NWD2: variants seen among roughly 807,000 people sequenced by gnomAD.
The protein encoded by NWD2 is NACHT and WD repeat domain containing 2, also known as NACHT and WD repeat domain-containing protein 2.
NWD2 carries 37 observed loss-of-function variants against 132.7 expected under a neutral mutation model. The ratio of observed to expected loss-of-function variants is 0.28; its 90% CI spans 0.21 to 0.37. NWD2 has a LOEUF of 0.37. Ranked by LOEUF, NWD2 falls within the 10% of genes least tolerant of loss-of-function variation. The probability of loss-of-function intolerance (pLI) is 1.00; values close to 1 mark genes in which losing one functional copy is unlikely to be tolerated. For missense variants in NWD2, 1,592 were observed against 2,122.4 expected (o/e 0.75, Z 4.91); for synonymous variants, 705 against 803.0 (o/e 0.88, Z 2.06).
chr4:37,393,736 C>T (rs1720724189), intron 3 of NWD2, among the ~76,000 whole-genome samples: 1 of 152,170 alleles, frequency 6.6e-6, no homozygotes, highest in Non-Finnish European at 1.5e-5. Context: ...TTCACAGCTC[C>T]TGATGTAACA....
intron 3 of NWD2, among the ~76,000 whole-genome samples, chr4:37,358,758 G>T (rs768042910): frequency 6.6e-6 from 1 of 152,136 alleles, no homozygotes; most frequent in Admixed American, 6.6e-5. Context: ...CCATTAAAAA[G>T]TGTTCGTTGT....
intron 3 of NWD2, among the ~76,000 whole-genome samples, chr4:37,406,529 T>G (rs1448374113): frequency 6.6e-6 from 1 of 152,198 alleles, no homozygotes; most frequent in Non-Finnish European, 1.5e-5. Flanking sequence ...TAGCAAAGAC[T>G]TGAAACCAAC....
chr4:37,346,201 T>C (rs916661888), intron 2 of NWD2, among the ~76,000 whole-genome samples: 5 of 152,144 alleles, frequency 3.3e-5, no homozygotes, highest in Admixed American at 6.5e-5. Context: ...CGGTGTGAGG[T>C]AGGGGCTAAG....
chr4:37,398,158 G>C (rs932724520), intron 3 of NWD2, among the ~76,000 whole-genome samples: 2 of 152,142 alleles, frequency 1.3e-5, no homozygotes, highest in African/African-American at 4.8e-5. Context: ...TTGGAGGCTG[G>C]TACTTCAGTT....
chr4:37,306,453 A>AT (rs1388338474), intron 1 of NWD2, among the ~76,000 whole-genome samples: 1 of 152,128 alleles, frequency 6.6e-6, no homozygotes, highest in African/African-American at 2.4e-5. Flanking sequence ...GTAGGCATTT[A>AT]TTGCTATGAA....
intron 2 of NWD2, among the ~76,000 whole-genome samples, chr4:37,345,071 A>G (rs986925764): frequency 3.5e-4 from 54 of 152,114 alleles, no homozygotes; most frequent in African/African-American, 1.1e-3. Context: ...TTATTCCTCA[A>G]TAGTATGCCA....
intron 1 of NWD2, among the ~76,000 whole-genome samples, chr4:37,323,761 C>A (rs1719115100): frequency 6.6e-6 from 1 of 151,376 alleles, no homozygotes; most frequent in Non-Finnish European, 1.5e-5. Context: ...CTGCACTGTT[C>A]ACAATAGCAA....
At chr4:37,257,969 A>G (rs1159055504) in intron 1 of NWD2, among the ~76,000 whole-genome samples, 1 of 152,248 alleles carries the variant, frequency 6.6e-6, no homozygotes, top group Non-Finnish European at 1.5e-5. Context: ...CAGATGTGCT[A>G]AATTCTTATA....
chr4:37,261,594 G>A (rs188709832), intron 1 of NWD2, among the ~76,000 whole-genome samples: 7 of 152,288 alleles, frequency 4.6e-5, no homozygotes, highest in Admixed American at 4.6e-4. Flanking sequence ...CCGTGAAGAT[G>A]TAGAATTTAA....
At position 37,377,909 on chromosome 4, in the gene NWD2, CA is replaced by C. The variant is rs1005706629; in HGVS notation, c.357+21435del. ...AAAACATTTTTTAAATGTTTCACCA[CA>C]AAAAAAATAGTATGTGAAGTGATGG... On this transcript the variant is annotated intron_variant, in intron 3 of 6. Transcript: ENST00000309447. Among the ~76,000 whole-genome samples the C allele has an allele frequency of 5.3e-5, 8 of 151,646 alleles. No individual in the cohort carries two copies. The East Asian group carries it at 5.8e-4, about 11-fold the overall frequency.
chr4:37,288,620 A>AT (rs1406434336), intron 1 of NWD2, among the ~76,000 whole-genome samples: 1 of 152,236 alleles, frequency 6.6e-6, no homozygotes, highest in African/African-American at 2.4e-5. Context: ...TATTGTTTCC[A>AT]TGGAAGTCTA....
At chr4:37,387,492 A>G (rs897370607) in intron 3 of NWD2, among the ~76,000 whole-genome samples, 25 of 151,732 alleles carry the variant, frequency 1.6e-4, no homozygotes, top group African/African-American at 5.8e-4. Context: ...CAACTCCATC[A>G]ACATATCATG....
At chr4:37,265,228 A>C (rs1030072092) in intron 1 of NWD2, among the ~76,000 whole-genome samples, 35 of 152,150 alleles carry the variant, frequency 2.3e-4, no homozygotes, top group African/African-American at 8.2e-4. Flanking sequence ...TCTAATATTT[A>C]CTGCAGTAAA....
chr4:37,292,059 A>G (rs1388840991), intron 1 of NWD2, among the ~76,000 whole-genome samples: 1 of 152,204 alleles, frequency 6.6e-6, no homozygotes, highest in Non-Finnish European at 1.5e-5. Context: ...AAAGTTAATA[A>G]AACTGACTTA....
chr4:37,338,369 G>A (rs34369267), intron 2 of NWD2, among the ~76,000 whole-genome samples: 52,401 of 152,180 alleles, frequency 0.34, 10,332 homozygotes, highest in Middle Eastern at 0.5. Flanking sequence ...TGTCTTCTTA[G>A]GGAAAAGAAG....
In NWD2 at chr4:37,439,134, A is replaced by G; in HGVS notation, c.1040A>G (p.Tyr347Cys). The G allele has an allele frequency of 6.4e-7, 1 of 1,551,730 alleles. No homozygotes were observed. ...HYIEGLGKQF[Y>C]EDMIDIIQAT... ...ATCGAAGGACTTGGTAAACAATTTT[A>G]TGAGGACATGATTGATATAATTCAG... Residue 347 changes from tyrosine to cysteine, a missense_variant, in exon 6 of 7, where the codon TAT (tyrosine) becomes TGT (cysteine). Tyr to Cys is a radical substitution (Grantham distance 194). Transcript: ENST00000309447. The surrounding 1 kb of genome is among the most constrained non-coding windows in gnomAD (Gnocchi z 4.5).
At chr4:37,272,967 T>C (rs34856343) in intron 1 of NWD2, among the ~76,000 whole-genome samples, 2,482 of 151,922 alleles carry the variant, frequency 0.016, 35 homozygotes, top group Non-Finnish European at 0.026. Context: ...GCTCTCTAAA[T>C]GTCAGTTAGG....
At chr4:37,429,450 G>A (rs1262050481) in intron 3 of NWD2, among the ~76,000 whole-genome samples, 1 of 152,108 alleles carries the variant, frequency 6.6e-6, no homozygotes, top group African/African-American at 2.4e-5. Context: ...AAGTACCTGA[G>A]ATTACAGTCA....
At chr4:37,275,480 T>A (rs1458630565) in intron 1 of NWD2, among the ~76,000 whole-genome samples, 1 of 152,080 alleles carries the variant, frequency 6.6e-6, no homozygotes, top group Non-Finnish European at 1.5e-5. Context: ...AGAATCAATA[T>A]CGTGAAAATG....
Sources: allele counts gnomAD v4.1 joint callset (sites outside exome capture counted in the v4.1 genomes callset), GRCh38; gene constraint gnomAD v4.1.1; non-coding constraint Gnocchi (gnomAD v3.1); transcripts MANE v1.5; gene names NCBI Gene and HGNC (gene_info 2026-07-23, HGNC 2026-07-21).